Variants in MRPL54 observed in about 807,000 individuals in gnomAD.
MRPL54 encodes mitochondrial ribosomal protein L54.
Under a neutral mutation model 15.6 loss-of-function variants are expected in MRPL54, and 12 were observed. The observed-to-expected ratio is 0.77, with a 90% CI of 0.49 to 1.24. MRPL54 has a LOEUF of 1.24. Among genes scored for constraint, MRPL54 ranks in the 50% most tolerant of loss-of-function variants. The pLI is 0.00. For missense variants in MRPL54, 178 were observed against 186.8 expected (o/e 0.95, Z 0.28); for synonymous variants, 91 against 75.7 (o/e 1.20, Z -1.05).
intron 1 of MRPL54, among the ~76,000 whole-genome samples, chr19:3,764,232 A>G (rs1003725861): frequency 1.4e-5 from 2 of 147,788 alleles, no homozygotes; most frequent in African/African-American, 2.5e-5. Flanking sequence ...ACAGGTGCCC[A>G]CCACCATGCC....
chr19:3,767,543 A>C lies in MRPL54; in HGVS notation c.*150A>C. 1.8e-6 allele frequency: 2 copies of C among 1,104,704 alleles called. No homozygotes were observed. Among genetic ancestry groups the C allele is most frequent in the Non-Finnish European group, 2.5e-6 (2 of 789,610 alleles). The allele number at this position is 1,104,704 out of a possible 1,614,324, so 68.4% of individuals were successfully genotyped here. A position where few individuals can be genotyped will look rare whatever the true frequency, so the allele number is the denominator to read the frequency against. ...TGGACCAGGGCCCTGGAGGCCAATAAAGAGCTTTCTGGGTAGACCCTATTT... is the reference window on the plus strand; with the variant it reads ...TGGACCAGGGCCCTGGAGGCCAATACAGAGCTTTCTGGGTAGACCCTATTT... On this transcript the variant is annotated 3_prime_UTR_variant, in exon 3 of 3. Transcript: ENST00000330133.
At chr19:3,765,358 G>T (rs776727284) in intron 2 of MRPL54, 27 bp downstream of exon 2, 1 of 1,609,632 alleles carries the variant, frequency 6.2e-7, no homozygotes, top group South Asian at 1.1e-5. Flanking sequence ...GTGTCATCCT[G>T]CAATGACTAT....
In MRPL54 at chr19:3,767,424, G is replaced by A. The variant is rs375801640; in HGVS notation, c.*31G>A. The A allele has an allele frequency of 1.8e-5, 29 of 1,597,088 alleles. No individual in the cohort carries two copies. Among genetic ancestry groups the A allele is most frequent in the African/African-American group, 4.1e-5 (3 of 73,734 alleles). Reference sequence around the variant, plus strand: ...AGGGCCCGGCATCGCTGACCCCCACGCCGAGGGCTTGCCGTTTTCCCGGAG... The same window carrying A: ...AGGGCCCGGCATCGCTGACCCCCACACCGAGGGCTTGCCGTTTTCCCGGAG... On this transcript the variant is annotated 3_prime_UTR_variant, in exon 3 of 3. Transcript: ENST00000330133.
intron 1 of MRPL54, among the ~76,000 whole-genome samples, chr19:3,763,405 C>A (rs1489681248): frequency 6.6e-6 from 1 of 152,116 alleles, no homozygotes; most frequent in Non-Finnish European, 1.5e-5. Context: ...CTTGGTCATT[C>A]CAAGCATCGG....
chr19:3,763,778 G>A lies in MRPL54; in HGVS notation c.118+960G>A, dbSNP rs1599180964. Among the ~76,000 whole-genome samples the A allele has an allele frequency of 6.6e-5, 10 of 152,078 alleles. No individual in the cohort carries two copies. The South Asian group carries it at 2.1e-3, about 31-fold the overall frequency. ...AATACAAAAATTAGTGGGGCATGGT[G>A]GCACATGTCTGTAATCCCAGCTACT... On this transcript the variant is annotated intron_variant, in intron 1 of 2. Coordinates refer to ENST00000330133, the MANE Select transcript of MRPL54 (RefSeq NM_172251.3).
chr19:3,762,970 C>G (rs2037165175), intron 1 of MRPL54, 152 bp downstream of exon 1: 2 of 648,816 alleles, frequency 3.1e-6, no homozygotes, highest in Admixed American at 7.1e-5. Context: ...GTTTGAGGGA[C>G]CCAGCGCCGC....
intron 1 of MRPL54, among the ~76,000 whole-genome samples, chr19:3,764,039 G>A (rs990800667): frequency 6.6e-6 from 1 of 152,110 alleles, no homozygotes; most frequent in Non-Finnish European, 1.5e-5. Flanking sequence ...GCTGCAGTGA[G>A]CCATGATTGT....
At chr19:3,766,171 G>A (rs868013215) in intron 2 of MRPL54, among the ~76,000 whole-genome samples, 7 of 151,694 alleles carry the variant, frequency 4.6e-5, no homozygotes, top group South Asian at 4.2e-4. Context: ...CCACCTCCCA[G>A]TGTTCCAATG....
chr19:3,766,014 C>A (rs569403668), intron 2 of MRPL54, among the ~76,000 whole-genome samples: 1 of 151,320 alleles, frequency 6.6e-6, no homozygotes, highest in East Asian at 2.0e-4. Flanking sequence ...TGGGTTCAAG[C>A]GGTTCTCCTG....
chr19:3,765,125 G>A, intron 1 of MRPL54, 41 bp from the exon 2 acceptor site: 1 of 1,571,958 alleles, frequency 6.4e-7, no homozygotes, highest in Non-Finnish European at 8.6e-7. Flanking sequence ...GCTTCCAGAG[G>A]AGGGGCTGGG....
At position 3,765,286 on chromosome 19, in the gene MRPL54, A is replaced by C; in HGVS notation, c.239A>C (p.Glu80Ala). 6.2e-7 allele frequency: 1 copy of C among 1,614,020 alleles called. No homozygotes were observed. Among genetic ancestry groups the C allele is most frequent in the South Asian group, 1.1e-5 (1 of 91,060 alleles). The change falls in exon 2 of 3, where the codon GAA becomes GCA. Residue 80 changes from glutamate (E) to alanine (A), a missense_variant. Transcript: ENST00000330133. ...TYAMGVNIYKEGQDVPLKPDA... is the reference protein window; with the variant it reads ...TYAMGVNIYKAGQDVPLKPDA... ...GCCATGGGCGTCAACATCTACAAGG[A>C]AGGGCAGGATGTACCCCTGAAACCG... is the stretch of plus-strand genomic sequence containing the variant.
chr19:3,765,401 G>A, intron 2 of MRPL54, 70 bp downstream of exon 2: 1 of 1,561,576 alleles, frequency 6.4e-7, no homozygotes, highest in Non-Finnish European at 8.7e-7. Flanking sequence ...CCCCTTCCCG[G>A]AGAGGCGGAT....
chr19:3,764,297 A>C (rs1219700154), intron 1 of MRPL54, among the ~76,000 whole-genome samples: 1 of 151,680 alleles, frequency 6.6e-6, no homozygotes, highest in African/African-American at 2.4e-5. Flanking sequence ...GTTAGCCAGG[A>C]TGGTCTCAAC....
intron 2 of MRPL54, 141 bp from the exon 3 acceptor site, chr19:3,767,120 G>A: frequency 4.5e-6 from 5 of 1,115,468 alleles, no homozygotes; most frequent in Non-Finnish European, 6.2e-6. Flanking sequence ...CCCAGGGTCG[G>A]GGAGGGACCA....
intron 2 of MRPL54, among the ~76,000 whole-genome samples, chr19:3,766,201 C>T (rs1413627940): frequency 6.6e-6 from 1 of 152,028 alleles, no homozygotes; most frequent in African/African-American, 2.4e-5. Context: ...CCTCAGCCTC[C>T]CGAGTAGCTG....
intron 2 of MRPL54, among the ~76,000 whole-genome samples, chr19:3,765,892 G>A (rs2037193739): frequency 8.8e-6 from 1 of 113,552 alleles, no homozygotes; most frequent in African/African-American, 3.6e-5. Context: ...AGTGAGACTT[G>A]GTCTCAAAAA....
rs554410753 is a variant in MRPL54, at chr19:3,766,702, C to G, written c.285-559C>G. Among the ~76,000 whole-genome samples, 17 of 152,244 alleles carry G rather than the reference C, an allele frequency of 1.1e-4. No individual in the cohort carries two copies. The Middle Eastern group carries it at 0.014, about 122-fold the overall frequency. ...GGGGGCAGGAGAATGAGGGACAGAG[C>G]CGGGGTGTTTGGCTGCTCTAGTTTG... On this transcript the variant is annotated intron_variant, in intron 2 of 2. Transcript: ENST00000330133.
chr19:3,763,411 A>G (rs2037169611), intron 1 of MRPL54, among the ~76,000 whole-genome samples: 1 of 152,208 alleles, frequency 6.6e-6, no homozygotes, highest in African/African-American at 2.4e-5. Flanking sequence ...CATTCCAAGC[A>G]TCGGTGTTAC....
In MRPL54 at chr19:3,765,013, C is replaced by T. The variant is rs186281089; in HGVS notation, c.119-153C>T. On this transcript the variant is annotated intron_variant, in intron 1 of 2. Transcript: ENST00000330133. The stretch of plus-strand genomic sequence containing the variant: ...ACTGCACTCCACCTGGGCAACAGAG[C>T]GAGACTCCGTCTCAAAAAAAAAAAA... Among the ~76,000 whole-genome samples, 441 of 148,222 alleles carry T rather than the reference C, an allele frequency of 3.0e-3. 2 individuals are homozygous for T. Among genetic ancestry groups the T allele is most frequent in the African/African-American group, 0.01 (411 of 39,830 alleles).
Sources: gnomAD v4.1 joint callset for allele counts (sites outside exome capture counted in the v4.1 genomes callset) on GRCh38, gnomAD v4.1.1 for gene constraint, MANE v1.5 for transcripts, NCBI Gene and HGNC (gene_info 2026-07-23, HGNC 2026-07-21) for gene names.